PODNL1: variants seen among roughly 807,000 people sequenced by gnomAD.
PODNL1 encodes podocan-like protein 1.
In PODNL1, 50 loss-of-function variants were observed where a neutral mutation model predicts 45.1. The observed-to-expected ratio is 1.11, with a 90% confidence interval of 0.88 to 1.40. PODNL1 has a LOEUF of 1.40. PODNL1 is among the 40% of genes most tolerant of loss of function. PODNL1 has a pLI of 0.00. For missense variants in PODNL1, 788 were observed against 793.3 expected, an observed-to-expected ratio of 0.99 and a Z score of 0.08; for synonymous variants, 406 against 372.5, an observed-to-expected ratio of 1.09 and a Z score of -1.04.
At chr19:13,938,987 G>GAT (rs1435750825), upstream of PODNL1, among the ~76,000 whole-genome samples, 2 of 152,090 alleles carry the variant, frequency 1.3e-5, no homozygotes, top group African/African-American at 4.8e-5. Context: ...ACAGTGCCTG[G>GAT]CATATCCCAG....
chr19:13,951,263 T>C lies in PODNL1; in HGVS notation c.18+1856A>G, dbSNP rs184619626. Among the ~76,000 whole-genome samples the C allele has an allele frequency of 9.1e-3, 1,380 of 151,526 alleles. 23 individuals carry two copies. Among genetic ancestry groups the C allele is most frequent in the African/African-American group, 0.031 (1,293 of 41,256 alleles). ...GAGTTTTCGAGCAGCCTGGGCAACA[T>C]AGTGAGACCCCATCTCTACAAAAAA... On this transcript the variant is annotated intron_variant, in intron 1 of 7. Transcript: ENST00000538371.
chr19:13,934,095 C>A (rs1296144471), intron 6 of PODNL1, 102 bp from the exon 7 acceptor site: 4 of 1,393,170 alleles, frequency 2.9e-6, no homozygotes, highest in Non-Finnish European at 4.0e-6. Flanking sequence ...TTGCCTTGAG[C>A]TCAAAGCGAT....
chr19:13,942,658 A>G (rs1461706646), upstream of PODNL1, among the ~76,000 whole-genome samples: 3 of 152,048 alleles, frequency 2.0e-5, no homozygotes, highest in Non-Finnish European at 4.4e-5. Flanking sequence ...AGCCTGGTAT[A>G]ATCAGTATTT....
Position 13,934,376 on chromosome 19 carries a change from C to A in PODNL1, c.529G>T (p.Ala177Ser). 1.3e-6 allele frequency: 2 copies of A among 1,550,254 alleles called. No individual in the cohort carries two copies. Among genetic ancestry groups the A allele is most frequent in the Non-Finnish European group, 1.7e-6 (2 of 1,149,538 alleles). ...VYLHNNQLSN[A>S]GLPPDAFRGS... Reference sequence around the variant, plus strand: ...CGGAAGGCGTCGGGGGGCAGGCCAGCGTTGCTCAGCTGGTTGTTGTGGAGG... The same window carrying A: ...CGGAAGGCGTCGGGGGGCAGGCCAGAGTTGCTCAGCTGGTTGTTGTGGAGG... The change falls in exon 6 of 10, where the codon GCT (alanine) becomes TCT (serine). Residue 177 changes from alanine to serine, a missense_variant. Physicochemically the swap from Ala to Ser is moderately conservative, Grantham distance 99. Transcript: ENST00000588872.
chr19:13,932,822 G>T lies in PODNL1; in HGVS notation c.1401C>A (p.Thr467=). 6.2e-7 allele frequency: 1 copy of T among 1,612,978 alleles called. No homozygotes were observed. Among genetic ancestry groups the T allele is most frequent in the East Asian group, 2.2e-5 (1 of 44,870 alleles). ...RLRVGDIGPG[T]WHELQALQML... is the part of the protein sequence containing the mutation. ...CCTGGAGGGCTTGGAGCTCATGCCAGGTGCCTGGCCCGATGTCGCCGACCC... is the reference window on the plus strand; with the variant it reads ...CCTGGAGGGCTTGGAGCTCATGCCATGTGCCTGGCCCGATGTCGCCGACCC... Residue 467 remains threonine (T), a synonymous_variant, in exon 8 of 10, where the codon ACC becomes ACA. Coordinates refer to ENST00000588872, the MANE Select transcript of PODNL1 (RefSeq NM_001370095.3).
intron 1 of PODNL1, among the ~76,000 whole-genome samples, chr19:13,947,059 A>T (rs1215698356): frequency 6.6e-6 from 1 of 151,034 alleles, no homozygotes; most frequent in African/African-American, 2.4e-5. Context: ...AAAAACAAAA[A>T]AAAAACACCA....
intron 1 of PODNL1, among the ~76,000 whole-genome samples, chr19:13,950,311 G>A (rs1195429913): frequency 2.0e-5 from 3 of 152,138 alleles, no homozygotes; most frequent in Non-Finnish European, 4.4e-5. Flanking sequence ...GAAACTATAG[G>A]CGTGTGCCAG....
Position 13,932,859 on chromosome 19 carries a change from T to A in PODNL1, c.1364A>T (p.His455Leu). Residue 455 changes from histidine to leucine, a missense_variant, in exon 8 of 10, where the codon CAC becomes CTC. Coordinates refer to ENST00000588872, the MANE Select transcript of PODNL1 (RefSeq NM_001370095.3). Reference sequence around the variant, plus strand: ...GATGTCGCCGACCCGGAGCCGGTTGTGCGCCAGGCTGAGCTCCCGCAGTTG... The same window carrying A: ...GATGTCGCCGACCCGGAGCCGGTTGAGCGCCAGGCTGAGCTCCCGCAGTTG... ...LDQLRELSLA[H>L]NRLRVGDIGP... The A allele has an allele frequency of 6.2e-7, 1 of 1,611,236 alleles. No individual in the cohort carries two copies. The highest frequency in any genetic ancestry group is 8.5e-7 in the Non-Finnish European group (1 of 1,179,290).
chr19:13,951,949 T>C (rs1286009975), intron 1 of PODNL1, among the ~76,000 whole-genome samples: 1 of 152,246 alleles, frequency 6.6e-6, no homozygotes, highest in African/African-American at 2.4e-5. Context: ...ATGCTATCAT[T>C]ATCACCACCA....
Position 13,932,091 on chromosome 19 carries a change from C to G in PODNL1, c.1447G>C (p.Glu483Gln). 8.1e-7 allele frequency: 1 copy of G among 1,233,280 alleles called. No homozygotes were observed. The allele number at this position is 1,233,280 out of a possible 1,614,324, so 76.4% of individuals were successfully genotyped here. The change falls in exon 9 of 10, where the codon GAG becomes CAG. Residue 483 changes from glutamate (E) to glutamine (Q), a missense_variant. Glu to Gln is a conservative substitution (Grantham distance 29). Around this residue, in one of 3 missense-constraint regions of PODNL1, gnomAD observed 762 missense variants for 750.9 expected, o/e 1.01. Coordinates refer to ENST00000588872, the MANE Select transcript of PODNL1 (RefSeq NM_001370095.3). ...ALQMLDLSHN[E>Q]LSFVPPDLPE... The stretch of plus-strand genomic sequence containing the variant: ...AGGTCCGGGGGCACAAAGGACAGCT[C>G]ATTGTGGCTGAGGTCCAGCATCTGG...
chr19:13,932,850 A>G lies in PODNL1; in HGVS notation c.1373T>C (p.Leu458Pro), dbSNP rs376822430. ...LRELSLAHNR[L>P]RVGDIGPGTW... is the part of the protein sequence containing the mutation. ...GCCTGGCCCGATGTCGCCGACCCGG[A>G]GCCGGTTGTGCGCCAGGCTGAGCTC... The change falls in exon 8 of 10, where the codon CTC (leucine) becomes CCC (proline). Residue 458 changes from leucine (L) to proline (P), a missense_variant. By Grantham distance (98) the Leu-to-Pro change is moderately conservative. Transcript: ENST00000588872. 2 of 1,612,016 alleles carry G rather than the reference A, an allele frequency of 1.2e-6. No homozygotes were observed. Among genetic ancestry groups the G allele is most frequent in the Non-Finnish European group, 1.7e-6 (2 of 1,179,660 alleles).
chr19:13,934,846 T>C (rs1400465293), intron 5 of PODNL1, among the ~76,000 whole-genome samples: 3 of 151,978 alleles, frequency 2.0e-5, no homozygotes, highest in Non-Finnish European at 2.9e-5. Flanking sequence ...TGTGCATAAG[T>C]GTGCATGTGA....
intron 3 of PODNL1, 149 bp from the exon 4 acceptor site, chr19:13,936,193 A>G: frequency 1.1e-6 from 1 of 946,848 alleles, no homozygotes; most frequent in Non-Finnish European, 1.6e-6. Context: ...CCCTACTCAA[A>G]AGCCACAGCC....
chr19:13,945,346 T>TAA (rs35507378), intron 1 of PODNL1, among the ~76,000 whole-genome samples: 7 of 141,046 alleles, frequency 5.0e-5, no homozygotes, highest in African/African-American at 1.6e-4. Context: ...CCCTCATCTC[T>TAA]AAAAAAAAAA....
upstream of PODNL1, among the ~76,000 whole-genome samples, chr19:13,939,606 G>A (rs1169913886): frequency 6.6e-6 from 1 of 152,082 alleles, no homozygotes; most frequent in East Asian, 1.9e-4. Context: ...ATTAGCCTGG[G>A]CTGGGCTCCA....
chr19:13,938,429 C>T (rs373775412), upstream of PODNL1: 2 of 1,300,044 alleles, frequency 1.5e-6, no homozygotes, highest in Non-Finnish European at 2.0e-6. Context: ...TCCCCTTGGT[C>T]CCCCCCAACA....
At chr19:13,942,124 C>T (rs1246531463), upstream of PODNL1, among the ~76,000 whole-genome samples, 1 of 152,102 alleles carries the variant, frequency 6.6e-6, no homozygotes, top group South Asian at 2.1e-4. Context: ...GTTTGAGTTC[C>T]GGGCAAGCCT....
chr19:13,941,644 C>T (rs1285219719), upstream of PODNL1, among the ~76,000 whole-genome samples: 2 of 152,078 alleles, frequency 1.3e-5, no homozygotes, highest in Non-Finnish European at 2.9e-5. Flanking sequence ...AACCCCGTCT[C>T]TACTAAAAAT....
At chr19:13,953,267 A>G (rs1281883030) in exon 1 of PODNL1, 6 of 882,202 alleles carry the variant, frequency 6.8e-6, no homozygotes, top group Admixed American at 3.2e-5. Flanking sequence ...CTCCCCCATC[A>G]GTTTGGGAGC....
Sources: allele counts gnomAD v4.1 joint callset (sites outside exome capture counted in the v4.1 genomes callset), GRCh38; gene constraint gnomAD v4.1.1; regional missense constraint gnomAD v4.1.1; transcripts MANE v1.5; gene names NCBI Gene and HGNC (gene_info 2026-07-23, HGNC 2026-07-21).